THSD4: variants seen among roughly 807,000 people sequenced by gnomAD.
THSD4 encodes thrombospondin type-1 domain-containing protein 4.
Under a neutral mutation model 119.0 loss-of-function variants are expected in THSD4, and 69 were observed. That is an observed-to-expected ratio of 0.58 (90% CI 0.48 to 0.71). The LOEUF is 0.71. Among genes scored for constraint, THSD4 ranks in the 30% least tolerant of loss-of-function variants. The pLI is 0.00. For missense variants in THSD4, 1,393 were observed against 1,391.1 expected, an observed-to-expected ratio of 1.00 and a Z score of -0.02; for synonymous variants, 524 against 540.4, an observed-to-expected ratio of 0.97 and a Z score of 0.42.
At chr15:71,486,630 T>A (rs1434579795) in intron 7 of THSD4, among the ~76,000 whole-genome samples, 1 of 141,724 alleles carries the variant, frequency 7.1e-6, no homozygotes, top group African/African-American at 2.5e-5. Context: ...TTTTTTTTTT[T>A]TTTTTTATTT....
At chr15:71,620,654 T>A (rs1240461554) in intron 7 of THSD4, among the ~76,000 whole-genome samples, 1 of 152,138 alleles carries the variant, frequency 6.6e-6, no homozygotes, top group Non-Finnish European at 1.5e-5. Flanking sequence ...ACAAATAACA[T>A]AATTAGATCT....
At chr15:71,612,600 A>G (rs1181188148) in intron 7 of THSD4, among the ~76,000 whole-genome samples, 1 of 152,192 alleles carries the variant, frequency 6.6e-6, no homozygotes, top group Non-Finnish European at 1.5e-5. Context: ...CAAGAGGGAT[A>G]TGCAGCTGCT....
At chr15:71,748,352 T>A in intron 13 of THSD4, 69 bp from the exon 14 acceptor site, 1 of 1,580,956 alleles carries the variant, frequency 6.3e-7, no homozygotes, top group Non-Finnish European at 8.6e-7. Flanking sequence ...GGCTGCGGGC[T>A]CCATACTGGC....
chr15:71,270,022 T>A (rs1395990239), intron 6 of THSD4, among the ~76,000 whole-genome samples: 1 of 152,200 alleles, frequency 6.6e-6, no homozygotes, highest in Non-Finnish European at 1.5e-5. Flanking sequence ...ATGACCATAC[T>A]GCCCAAAGTG....
intron 3 of THSD4, among the ~76,000 whole-genome samples, chr15:71,163,919 T>C (rs2043268901): frequency 1.3e-5 from 2 of 150,818 alleles, no homozygotes; most frequent in African/African-American, 4.9e-5. Flanking sequence ...TGCCATTACA[T>C]GGTAATGGGA....
intron 10 of THSD4, chr15:71,731,645 T>C (rs1009818265): frequency 8.9e-5 from 17 of 189,996 alleles, no homozygotes; most frequent in Admixed American, 3.7e-4. Context: ...TAGCCAGGCA[T>C]GGTGGTGTGT....
At chr15:71,522,601 A>G (rs8041762) in intron 7 of THSD4, among the ~76,000 whole-genome samples, 97,745 of 152,166 alleles carry the variant, frequency 0.64, 32,147 homozygotes, top group African/African-American at 0.78. Context: ...TCTGGATGTC[A>G]TGGTTGTCAC....
At chr15:71,386,837 TGAA>T in intron 6 of THSD4, among the ~76,000 whole-genome samples, 1 of 152,370 alleles carries the variant, frequency 6.6e-6, no homozygotes, top group Admixed American at 6.5e-5. Flanking sequence ...TTTTAAATGA[TGAA>T]AGCATTCGCC....
intron 7 of THSD4, among the ~76,000 whole-genome samples, chr15:71,535,044 G>A (rs1205477261): frequency 5.9e-5 from 9 of 152,232 alleles, no homozygotes; most frequent in South Asian, 2.1e-4. Context: ...TATATTCACA[G>A]GGTTGTGCAA....
At chr15:71,749,224 G>A (rs964895177) in intron 14 of THSD4, among the ~76,000 whole-genome samples, 4 of 152,232 alleles carry the variant, frequency 2.6e-5, no homozygotes, top group Non-Finnish European at 5.9e-5. Context: ...GGTTACGATG[G>A]TCAATTTCAT....
intron 1 of THSD4, among the ~76,000 whole-genome samples, chr15:71,105,413 T>C (rs1343179346): frequency 2.0e-5 from 3 of 152,238 alleles, no homozygotes; most frequent in African/African-American, 7.2e-5. Flanking sequence ...AGAGTTTTCA[T>C]AGAATTTAAT....
chr15:71,389,373 CAT>C (rs746218118), intron 6 of THSD4, among the ~76,000 whole-genome samples: 10 of 152,050 alleles, frequency 6.6e-5, no homozygotes, highest in Non-Finnish European at 1.0e-4. Flanking sequence ...GCAGCAGAAT[CAT>C]ATGTTATTTG....
chr15:71,675,396 G>A (rs146547059), intron 8 of THSD4, among the ~76,000 whole-genome samples: 13 of 152,192 alleles, frequency 8.5e-5, no homozygotes, highest in African/African-American at 2.6e-4. Context: ...TGCTCTTCCC[G>A]GTGAGGCCGT....
intron 6 of THSD4, among the ~76,000 whole-genome samples, chr15:71,410,794 G>C (rs371336407): frequency 6.6e-6 from 1 of 152,192 alleles, no homozygotes; most frequent in African/African-American, 2.4e-5. Context: ...CACTTTGGGA[G>C]GCCGAGGTGG....
At chr15:71,584,262 C>CTTTTTTTTTTTTTTTTTTTT (rs71154789) in intron 7 of THSD4, among the ~76,000 whole-genome samples, 2 of 61,802 alleles carry the variant, frequency 3.2e-5, no homozygotes, top group African/African-American at 7.6e-5. Flanking sequence ...TTTTCACTTT[C>CTTTTTTTTTTTTTTTTTTTT]TTTTTTTTTT....
chr15:71,103,466 C>A (rs2040261775), intron 1 of THSD4, among the ~76,000 whole-genome samples: 1 of 152,196 alleles, frequency 6.6e-6, no homozygotes, highest in African/African-American at 2.4e-5. Context: ...ATCTCCCCAA[C>A]ACCCTCTGGC....
At chr15:71,359,287 C>T (rs1014336203) in intron 6 of THSD4, among the ~76,000 whole-genome samples, 2 of 152,212 alleles carry the variant, frequency 1.3e-5, no homozygotes, top group African/African-American at 2.4e-5. Flanking sequence ...TTGCATCATT[C>T]GCATCACTGT....
At chr15:71,702,115 A>C (rs928292658) in intron 8 of THSD4, among the ~76,000 whole-genome samples, 1 of 151,996 alleles carries the variant, frequency 6.6e-6, no homozygotes, top group South Asian at 2.1e-4. Context: ...CTTCCTCCTT[A>C]TGGGTCAGGT....
chr15:71,660,840 C>A, intron 8 of THSD4, 106 bp downstream of exon 8: 1 of 1,250,046 alleles, frequency 8.0e-7, no homozygotes, highest in Non-Finnish European at 1.1e-6. Context: ...CCGGGGCATG[C>A]AGGCAGTGCC....
Sources: gnomAD v4.1 joint callset for allele counts (sites outside exome capture counted in the v4.1 genomes callset) on GRCh38, gnomAD v4.1.1 for gene constraint, MANE v1.5 for transcripts, NCBI Gene and HGNC (gene_info 2026-07-23, HGNC 2026-07-21) for gene names.